Variants in EIF4ENIF1 observed in about 807,000 individuals in gnomAD.
EIF4ENIF1 encodes the protein eukaryotic translation initiation factor 4E nuclear import factor 1, also known as eukaryotic translation initiation factor 4E transporter.
Under a neutral mutation model 110.5 loss-of-function variants are expected in EIF4ENIF1, and 23 were observed. The observed-to-expected ratio is 0.21, with a 90% confidence interval of 0.15 to 0.29. EIF4ENIF1 has a LOEUF of 0.29. Ranked by LOEUF, EIF4ENIF1 falls within the 10% of genes least tolerant of loss-of-function variation. The probability of loss-of-function intolerance (pLI) is 1.00; values close to 1 mark genes in which losing one functional copy is unlikely to be tolerated. For synonymous variants in EIF4ENIF1, 440 were observed against 437.0 expected, an observed-to-expected ratio of 1.01 and a Z score of -0.09; for missense variants, 1,031 against 1,221.1, an observed-to-expected ratio of 0.84 and a Z score of 2.32.
chr22:31,488,805 C>G, intron 1 of EIF4ENIF1, 60 bp from the exon 2 acceptor site: 1 of 1,523,088 alleles, frequency 6.6e-7, no homozygotes, highest in Non-Finnish European at 8.8e-7. Flanking sequence ...GAAATCTTGG[C>G]TGTTTCTTCA....
rs756219395 is a variant in EIF4ENIF1 at position 31,443,110 on chromosome 22, A to G, written c.2074-16T>C. 2.1e-5 allele frequency: 34 copies of G among 1,613,020 alleles called. No homozygotes were observed. Among genetic ancestry groups the G allele is most frequent in the South Asian group, 1.6e-4 (15 of 91,032 alleles). On this transcript the variant is annotated splice_polypyrimidine_tract_variant and intron_variant, in intron 15 of 18. Transcript: ENST00000330125. ...AAGGAGAAAGCTGCAGAGAAAAACA[A>G]TTGGCATTAGCACATTCTCTAAGTG...
At chr22:31,464,025 T>G in intron 4 of EIF4ENIF1, 58 bp from the exon 5 acceptor site, 1 of 1,553,008 alleles carries the variant, frequency 6.4e-7, no homozygotes. Flanking sequence ...TTTCTTCTTT[T>G]TTAGATAGTA....
At position 31,442,012 on chromosome 22, in the gene EIF4ENIF1, C is replaced by T; in HGVS notation, c.2313G>A (p.Leu771=). ...ALQRSSCSTP[L]SQANRYTKEQ... ...CTTTGGTGTAACGGTTGGCCTGGGA[C>T]AGTGGGGTGGAACACGAAGACCTCT... Residue 771 remains leucine, a synonymous_variant, in exon 17 of 19, where the codon CTG becomes CTA. Transcript: ENST00000330125. 6.2e-7 allele frequency: 1 copy of T among 1,614,126 alleles called. No individual in the cohort carries two copies. The highest frequency in any genetic ancestry group is 8.5e-7 in the Non-Finnish European group (1 of 1,180,016).
At chr22:31,448,387 A>T (rs2012451) in intron 12 of EIF4ENIF1, among the ~76,000 whole-genome samples, 155 bp from the exon 13 acceptor site, 6 of 151,998 alleles carry the variant, frequency 3.9e-5, no homozygotes, top group Admixed American at 3.9e-4. Flanking sequence ...GTGCCCCAAC[A>T]GTGGGCTATG....
rs527701743 is a variant in EIF4ENIF1 at position 31,456,519 on chromosome 22, G to A, written c.964-532C>T. On this transcript the variant is annotated intron_variant, in intron 7 of 18. Coordinates refer to ENST00000330125, the MANE Select transcript of EIF4ENIF1 (RefSeq NM_019843.4). Reference sequence around the variant, plus strand: ...ATTACAAGCATGAGCCACCACACCCGGTCTACTATTTTTTTAAGACAGTCT... The same window carrying A: ...ATTACAAGCATGAGCCACCACACCCAGTCTACTATTTTTTTAAGACAGTCT... Among the ~76,000 whole-genome samples the A allele has an allele frequency of 4.1e-5, 6 of 146,938 alleles. No individual in the cohort carries two copies. The East Asian group carries it at 8.3e-4, about 20-fold the overall frequency.
chr22:31,452,355 G>C (rs2050699358), intron 10 of EIF4ENIF1, among the ~76,000 whole-genome samples: 1 of 152,166 alleles, frequency 6.6e-6, no homozygotes, highest in Non-Finnish European at 1.5e-5. Context: ...TGCTAGCTGA[G>C]TTTGTCTTAG....
chr22:31,440,777 A>T lies in EIF4ENIF1; in HGVS notation c.2643T>A (p.Ser881Arg). 2 of 1,614,032 alleles carry T rather than the reference A, an allele frequency of 1.2e-6. No individual in the cohort carries two copies. Among genetic ancestry groups the T allele is most frequent in the South Asian group, 1.1e-5 (1 of 91,076 alleles). The change falls in exon 18 of 19, where the codon AGT (serine) becomes AGA (arginine). Residue 881 changes from serine to arginine, a missense_variant. By Grantham distance (110) the Ser-to-Arg change is moderately radical. This residue lies in a region of EIF4ENIF1 where 309 missense variants were observed against 299.1 expected (regional missense o/e 1.03). Coordinates refer to ENST00000330125, the MANE Select transcript of EIF4ENIF1 (RefSeq NM_019843.4). Reference protein sequence around the residue: ...GQPFYPLPAASHPLLNPRPGT... With the variant: ...GQPFYPLPAARHPLLNPRPGT... ...CAGGACGAGGGTTTAAGAGAGGGTGACTAGCAGCAGGTAAAGGGTAAAAGG... is the reference window on the plus strand; with the variant it reads ...CAGGACGAGGGTTTAAGAGAGGGTGTCTAGCAGCAGGTAAAGGGTAAAAGG...
At chr22:31,453,046 G>C (rs548778234) in intron 10 of EIF4ENIF1, among the ~76,000 whole-genome samples, 1 of 152,252 alleles carries the variant, frequency 6.6e-6, no homozygotes, top group South Asian at 2.1e-4. Flanking sequence ...GAAAAAAAGA[G>C]AGAAAACTCA....
intron 12 of EIF4ENIF1, 57 bp downstream of exon 12, chr22:31,449,291 T>G: frequency 3.4e-5 from 53 of 1,549,154 alleles, no homozygotes; most frequent in Non-Finnish European, 4.2e-5. Flanking sequence ...ATTACAGGCA[T>G]GAGCTACCGT....
rs755187936 is a variant in EIF4ENIF1 at position 31,454,392 on chromosome 22, C to A, written c.1280-16G>T. ...CCTGAATGTGCTGAGAAGTTGAGAACGTCCAGGTTAAATCAAGCAAAGAGA... is the reference window on the plus strand; with the variant it reads ...CCTGAATGTGCTGAGAAGTTGAGAAAGTCCAGGTTAAATCAAGCAAAGAGA... On this transcript the variant is annotated splice_polypyrimidine_tract_variant and intron_variant, in intron 9 of 18. Transcript: ENST00000330125. The A allele has an allele frequency of 1.2e-6, 2 of 1,608,792 alleles. No individual in the cohort carries two copies. Among genetic ancestry groups the A allele is most frequent in the South Asian group, 1.1e-5 (1 of 90,912 alleles).
chr22:31,481,628 TTACTCTTTTC>T (rs1243231621), intron 2 of EIF4ENIF1, among the ~76,000 whole-genome samples: 3 of 152,164 alleles, frequency 2.0e-5, no homozygotes, highest in Non-Finnish European at 2.9e-5. Context: ...TTTAAATCAG[TTACTCTTTTC>T]TCTGGGGATT....
intron 18 of EIF4ENIF1, 139 bp from the exon 19 acceptor site, chr22:31,440,260 T>TA (rs2050250448): frequency 7.9e-7 from 1 of 1,261,194 alleles, no homozygotes; most frequent in Non-Finnish European, 1.1e-6. Context: ...CTTTGCAAAA[T>TA]ACCAACAATG....
upstream of EIF4ENIF1, among the ~76,000 whole-genome samples, chr22:31,490,689 G>T (rs1366945637): frequency 6.6e-6 from 1 of 152,204 alleles, no homozygotes; most frequent in East Asian, 1.9e-4. Context: ...GGGGGCCACA[G>T]AAATGCAAAT....
intron 13 of EIF4ENIF1, among the ~76,000 whole-genome samples, chr22:31,447,906 C>G (rs1038742930): frequency 7.9e-5 from 12 of 152,186 alleles, no homozygotes; most frequent in African/African-American, 2.9e-4. Context: ...ATTCTCCTGC[C>G]TCAGCCTCCT....
At chr22:31,470,956 G>A (rs1205314041) in intron 3 of EIF4ENIF1, among the ~76,000 whole-genome samples, 1 of 150,530 alleles carries the variant, frequency 6.6e-6, no homozygotes, top group Non-Finnish European at 1.5e-5. Context: ...AGGTTGCAGT[G>A]AGCCCAGATC....
rs1441550348 is a variant in EIF4ENIF1, at chr22:31,454,159, A to G, written c.1497T>C (p.Ser499=). The G allele has an allele frequency of 6.2e-7, 1 of 1,614,120 alleles. No homozygotes were observed. Among genetic ancestry groups the G allele is most frequent in the Middle Eastern group, 1.6e-4 (1 of 6,062 alleles). The change falls in exon 10 of 19, where the codon TCT becomes TCC. Residue 499 remains serine, a synonymous_variant. Transcript: ENST00000330125. ...AGATACTTACGCTGACTTTGGGCTGAGAAGGCAAAGTCCCACTTGCCTTCA... is the reference window on the plus strand; with the variant it reads ...AGATACTTACGCTGACTTTGGGCTGGGAAGGCAAAGTCCCACTTGCCTTCA... ...STMKASGTLP[S]QPKVSRNLES... is the part of the protein sequence containing the mutation.
chr22:31,465,887 A>G (rs988083638), intron 4 of EIF4ENIF1, among the ~76,000 whole-genome samples: 1 of 152,248 alleles, frequency 6.6e-6, no homozygotes, highest in East Asian at 1.9e-4. Flanking sequence ...ATTCTTAATG[A>G]AAAAAGCTAT....
At chr22:31,462,446 C>T (rs946104010) in intron 6 of EIF4ENIF1, among the ~76,000 whole-genome samples, 4 of 150,906 alleles carry the variant, frequency 2.7e-5, no homozygotes, top group Non-Finnish European at 5.9e-5. Context: ...GATGGTGCCA[C>T]TGCACTCCAG....
chr22:31,442,866 G>A (rs1286150682), intron 16 of EIF4ENIF1, 96 bp downstream of exon 16: 1 of 1,501,434 alleles, frequency 6.7e-7, no homozygotes, highest in East Asian at 2.3e-5. Context: ...GTCTTGCCCA[G>A]GGCTTTGTAT....
Sources: gnomAD v4.1 joint callset for allele counts (sites outside exome capture counted in the v4.1 genomes callset) on GRCh38, gnomAD v4.1.1 for gene constraint, gnomAD v4.1.1 regional missense constraint, MANE v1.5 for transcripts, NCBI Gene and HGNC (gene_info 2026-07-23, HGNC 2026-07-21) for gene names.